SYNJ1: variants seen among roughly 807,000 people sequenced by gnomAD.
SYNJ1 encodes the protein polyphosphatidylinositol phosphatase SYNJ1.
SYNJ1 carries 78 observed loss-of-function variants against 168.2 expected under a neutral mutation model. The observed-to-expected ratio is 0.46, with a 90% CI of 0.39 to 0.56. The LOEUF is 0.56. SYNJ1 is among the 20% of genes least tolerant of loss of function. The probability of loss-of-function intolerance (pLI) is 0.00; values close to 1 mark genes in which losing one functional copy is unlikely to be tolerated. For synonymous variants in SYNJ1, 539 were observed against 548.6 expected (o/e 0.98, Z 0.24); for missense variants, 1,303 against 1,597.6 (o/e 0.82, Z 3.14).
intron 12 of SYNJ1, among the ~76,000 whole-genome samples, chr21:32,676,575 A>G (rs1421711649): frequency 6.6e-6 from 1 of 152,196 alleles, no homozygotes; most frequent in African/African-American, 2.4e-5. Context: ...TGACTCAGTG[A>G]TATCCACCGT....
At chr21:32,642,163 G>C in intron 27 of SYNJ1, 30 bp from the exon 28 acceptor site, 1 of 1,613,154 alleles carries the variant, frequency 6.2e-7, no homozygotes, top group Non-Finnish European at 8.5e-7. Flanking sequence ...AAAAAAATTA[G>C]TTGTAAGTTA....
At chr21:32,705,951 T>C (rs1056476144) in intron 2 of SYNJ1, among the ~76,000 whole-genome samples, 1 of 152,012 alleles carries the variant, frequency 6.6e-6, no homozygotes, top group Admixed American at 6.6e-5. Context: ...CATGCCACTG[T>C]ACTCCAGCCT....
intron 8 of SYNJ1, 43 bp downstream of exon 8, chr21:32,686,935 G>C: frequency 1.6e-6 from 2 of 1,232,212 alleles, no homozygotes; most frequent in Non-Finnish European, 1.1e-6. Flanking sequence ...TACCATTCTA[G>C]GTGTCCATGG....
chr21:32,689,776 T>C (rs1487165389), intron 6 of SYNJ1, among the ~76,000 whole-genome samples: 2 of 152,248 alleles, frequency 1.3e-5, no homozygotes, highest in Non-Finnish European at 2.9e-5. Context: ...CTAATGAGTA[T>C]TCTGATAACC....
intron 2 of SYNJ1, among the ~76,000 whole-genome samples, chr21:32,721,319 G>A (rs1402738044): frequency 6.6e-6 from 1 of 152,224 alleles, no homozygotes; most frequent in African/African-American, 2.4e-5. Context: ...GAACTTTTTA[G>A]AAAGTGTTTT....
chr21:32,654,248 T>C (rs1024567629), intron 21 of SYNJ1: 1 of 152,142 alleles, frequency 6.6e-6, no homozygotes, highest in African/African-American at 2.4e-5. Context: ...GTATGAATTA[T>C]GAATATTAAG....
intron 22 of SYNJ1, among the ~76,000 whole-genome samples, chr21:32,651,466 T>C (rs1432858421): frequency 6.6e-6 from 1 of 152,228 alleles, no homozygotes; most frequent in Non-Finnish European, 1.5e-5. Flanking sequence ...AAAGTCAGAA[T>C]CCTAAGAATT....
intron 29 of SYNJ1, among the ~76,000 whole-genome samples, chr21:32,641,112 T>C (rs1258244932): frequency 6.6e-6 from 1 of 152,188 alleles, no homozygotes; most frequent in Non-Finnish European, 1.5e-5. Context: ...AAAGCTTCTA[T>C]CTTCATAGGA....
rs1199029482 is a variant in SYNJ1, at chr21:32,666,149, A to C, written c.1953-14T>G. The C allele has an allele frequency of 6.3e-6, 10 of 1,578,842 alleles. No individual in the cohort carries two copies. Among genetic ancestry groups the C allele is most frequent in the Non-Finnish European group, 8.6e-6 (10 of 1,163,952 alleles). ...ACTGCAACATCCCTTTGAAACAAAG[A>C]ATTCTAAATCGCAGATTTGAAATTT... is the stretch of plus-strand genomic sequence containing the variant. On this transcript the variant is annotated splice_polypyrimidine_tract_variant and intron_variant, in intron 16 of 32. Transcript: ENST00000674351.
chr21:32,667,097 G>A (rs1367105218), intron 15 of SYNJ1, among the ~76,000 whole-genome samples: 1 of 149,276 alleles, frequency 6.7e-6, no homozygotes, highest in Non-Finnish European at 1.5e-5. Context: ...AAAAAAGTCT[G>A]CAAGTAAAAA....
chr21:32,726,140 T>C (rs2043444598), intron 2 of SYNJ1, among the ~76,000 whole-genome samples: 1 of 152,234 alleles, frequency 6.6e-6, no homozygotes, highest in African/African-American at 2.4e-5. Context: ...ACACCTGGCA[T>C]ATCTTACATT....
At chr21:32,634,804 C>T (rs567923330) in intron 32 of SYNJ1, 57 bp downstream of exon 32, 4 of 1,577,150 alleles carry the variant, frequency 2.5e-6, no homozygotes, top group East Asian at 2.2e-5. Context: ...GAGATTCATA[C>T]ATCTAATGTG....
In SYNJ1 at chr21:32,688,144, C is replaced by T. The variant is rs183349557; in HGVS notation, c.851+162G>A. ...AAGACCCACACTTCCAGCACTACCA[C>T]CCCCAGAAGTCGTAACACTAGGTGT... On this transcript the variant is annotated intron_variant, in intron 7 of 32. Coordinates refer to ENST00000674351, the MANE Select transcript of SYNJ1 (RefSeq NM_203446.3). Among the ~76,000 whole-genome samples, 9 of 152,106 alleles carry T rather than the reference C, an allele frequency of 5.9e-5. No individual in the cohort carries two copies. In the East Asian group the frequency reaches 1.5e-3, roughly 26 times the overall value.
At position 32,629,119 on chromosome 21, in the gene SYNJ1, A is replaced by G. The variant is rs2145644396; in HGVS notation, c.*2686T>C. Reference sequence around the variant, plus strand: ...TCCTGATAAAGGCTGGGCTGCTGATATGTATATTTTAGACAGTAGTTTATA... The same window carrying G: ...TCCTGATAAAGGCTGGGCTGCTGATGTGTATATTTTAGACAGTAGTTTATA... On this transcript the variant is annotated 3_prime_UTR_variant, in exon 33 of 33. Transcript: ENST00000674351. 6.5e-6 allele frequency: 1 copy of G among 152,762 alleles called. No homozygotes were observed. The highest frequency in any genetic ancestry group is 1.9e-4 in the East Asian group (1 of 5,188). The allele number at this position is 152,762 out of a possible 1,614,324, so 9.5% of individuals were successfully genotyped here.
At chr21:32,661,357 C>G (rs552313533) in intron 18 of SYNJ1, among the ~76,000 whole-genome samples, 1 of 152,176 alleles carries the variant, frequency 6.6e-6, no homozygotes, top group Non-Finnish European at 1.5e-5. Flanking sequence ...TTTTGAGGGT[C>G]TTCAGGTGGA....
chr21:32,667,256 A>T (rs2040975314), intron 15 of SYNJ1, among the ~76,000 whole-genome samples: 1 of 152,132 alleles, frequency 6.6e-6, no homozygotes, highest in Non-Finnish European at 1.5e-5. Flanking sequence ...GCTTCCAAAT[A>T]CATTTCCCCA....
chr21:32,665,460 T>C (rs143938436), intron 17 of SYNJ1, among the ~76,000 whole-genome samples: 1 of 152,234 alleles, frequency 6.6e-6, no homozygotes, highest in Non-Finnish European at 1.5e-5. Context: ...CCCTATTGTT[T>C]ATGCAAAAAT....
chr21:32,650,167 G>A lies in SYNJ1; in HGVS notation c.3037+17C>T, dbSNP rs1223584513. ...ATATCTAGAACTACAAGAAGTAAAT[G>A]TGTTTAAGAAACAAACCTTCCATAT... On this transcript the variant is annotated intron_variant, in intron 23 of 32. Transcript: ENST00000674351. 3.2e-6 allele frequency: 5 copies of A among 1,587,104 alleles called. No homozygotes were observed. The highest frequency in any genetic ancestry group is 4.3e-6 in the Non-Finnish European group (5 of 1,171,402).
At chr21:32,723,588 C>A (rs2043330280) in intron 2 of SYNJ1, among the ~76,000 whole-genome samples, 1 of 152,150 alleles carries the variant, frequency 6.6e-6, no homozygotes, top group African/African-American at 2.4e-5. Flanking sequence ...GAGCCTGAGG[C>A]AGGTGGAAAC....
Sources: gnomAD v4.1 joint callset for allele counts (sites outside exome capture counted in the v4.1 genomes callset) on GRCh38, gnomAD v4.1.1 for gene constraint, MANE v1.5 for transcripts, NCBI Gene and HGNC (gene_info 2026-07-23, HGNC 2026-07-21) for gene names.